The following SLIT2 variants were observed in gnomAD, a reference collection of about 807,000 sequenced individuals.
SLIT2 encodes slit guidance ligand 2.
Under a neutral mutation model 185.7 loss-of-function variants are expected in SLIT2, and 41 were observed. The ratio of observed to expected loss-of-function variants is 0.22; its 90% CI spans 0.17 to 0.29. SLIT2 has a LOEUF of 0.29. Ranked by LOEUF, SLIT2 falls within the 10% of genes least tolerant of loss-of-function variation. The pLI is 1.00. For missense variants in SLIT2, 1,571 were observed against 1,909.0 expected, an observed-to-expected ratio of 0.82 and a Z score of 3.30; for synonymous variants, 693 against 680.2, an observed-to-expected ratio of 1.02 and a Z score of -0.29.
chr4:20,431,888 G>T (rs1162826295), intron 4 of SLIT2, among the ~76,000 whole-genome samples: 1 of 152,086 alleles, frequency 6.6e-6, no homozygotes, highest in Non-Finnish European at 1.5e-5. Context: ...GGAGTGTTTG[G>T]AACTTGATTA....
At chr4:20,577,822 C>T (rs1234255959) in intron 29 of SLIT2, among the ~76,000 whole-genome samples, 4 of 152,092 alleles carry the variant, frequency 2.6e-5, no homozygotes, top group Non-Finnish European at 5.9e-5. Context: ...AGAATTGGAT[C>T]GAATTTATAA....
At chr4:20,595,943 A>G in intron 31 of SLIT2, 109 bp downstream of exon 31, 1 of 945,502 alleles carries the variant, frequency 1.1e-6, no homozygotes, top group South Asian at 1.8e-5. Context: ...AAAAGAGTAT[A>G]ACTGGATTGT....
At chr4:20,610,357 C>T (rs1729117557) in intron 34 of SLIT2, among the ~76,000 whole-genome samples, 190 bp downstream of exon 34, 1 of 152,078 alleles carries the variant, frequency 6.6e-6, no homozygotes, top group South Asian at 2.1e-4. Context: ...TTTTATTATC[C>T]CATCTCTCTT....
intron 5 of SLIT2, among the ~76,000 whole-genome samples, chr4:20,471,025 G>A (rs184347441): frequency 6.6e-6 from 1 of 152,196 alleles, no homozygotes; most frequent in Non-Finnish European, 1.5e-5. Flanking sequence ...GAAACTATGT[G>A]GATGATGAGT....
intron 4 of SLIT2, among the ~76,000 whole-genome samples, chr4:20,436,598 TA>T (rs1342292696): frequency 6.6e-6 from 1 of 152,224 alleles, no homozygotes; most frequent in African/African-American, 2.4e-5. Flanking sequence ...TCAAATCACG[TA>T]TTTAGATTGA....
At chr4:20,522,836 T>C (rs1720953444) in intron 12 of SLIT2, among the ~76,000 whole-genome samples, 3 of 152,136 alleles carry the variant, frequency 2.0e-5, no homozygotes, top group Admixed American at 1.3e-4. Context: ...TCCCAGTATG[T>C]GCTGGGCAGT....
chr4:20,441,502 C>T (rs958399031), intron 4 of SLIT2, among the ~76,000 whole-genome samples: 4 of 139,208 alleles, frequency 2.9e-5, no homozygotes, highest in Admixed American at 7.2e-5. Flanking sequence ...CTCTCTCTCT[C>T]GCCCCCCCCC....
At chr4:20,413,010 A>G (rs1021903992) in intron 4 of SLIT2, among the ~76,000 whole-genome samples, 4 of 152,140 alleles carry the variant, frequency 2.6e-5, no homozygotes, top group African/African-American at 9.6e-5. Flanking sequence ...CAAAAGCATC[A>G]GTTTACATTT....
Position 20,252,862 on chromosome 4 carries a change from T to G in SLIT2, c.-954T>G, listed in dbSNP as rs1024304269. 1.3e-5 allele frequency among the ~76,000 whole-genome samples: 2 copies of G among 152,168 alleles called. No homozygotes were observed. The highest frequency in any genetic ancestry group is 4.8e-5 in the African/African-American group (2 of 41,458). On this transcript the variant is annotated 5_prime_UTR_variant, in exon 1 of 37. Transcript: ENST00000504154. ...CACTCCTTCCGGTCTGCCTGGTTTT[T>G]AAGTCCGCCCCCAGTCAGTCCCCAC... is the stretch of plus-strand genomic sequence containing the variant.
Position 20,519,471 on chromosome 4 carries a change from T to C in SLIT2, c.1130+18T>C. On this transcript the variant is annotated intron_variant, in intron 12 of 36. Coordinates refer to ENST00000504154, the MANE Select transcript of SLIT2 (RefSeq NM_004787.4). The stretch of plus-strand genomic sequence containing the variant: ...CAGCTCCTGTAAGTATTTGATTGTT[T>C]TGGATCTCTCGAGCCTAATAATATA... 1 of 1,457,020 alleles carries C rather than the reference T, an allele frequency of 6.9e-7. No homozygotes were observed. The highest frequency in any genetic ancestry group is 1.7e-4 in the Middle Eastern group (1 of 5,752). 90.3% of individuals were successfully genotyped at this position (1,457,020 alleles called of 1,614,324 possible).
chr4:20,353,044 C>T (rs1417138458), intron 4 of SLIT2, among the ~76,000 whole-genome samples: 3 of 152,086 alleles, frequency 2.0e-5, no homozygotes, highest in Non-Finnish European at 4.4e-5. Context: ...AGCAGTATAA[C>T]GGAGAAGCAT....
intron 9 of SLIT2, among the ~76,000 whole-genome samples, chr4:20,508,415 A>T (rs983666148): frequency 1.3e-5 from 2 of 152,050 alleles, no homozygotes; most frequent in Non-Finnish European, 1.5e-5. Context: ...CATGTCCAAT[A>T]ATAAGAAAGA....
intron 4 of SLIT2, among the ~76,000 whole-genome samples, chr4:20,456,753 A>G (rs1445313553): frequency 6.6e-6 from 1 of 152,138 alleles, no homozygotes; most frequent in Non-Finnish European, 1.5e-5. Flanking sequence ...ACTCACATAT[A>G]TCCCTGGACA....
chr4:20,472,278 A>ATATATCTATATATATC (rs1456164605), intron 5 of SLIT2, among the ~76,000 whole-genome samples: 1 of 32,864 alleles, frequency 3.0e-5, no homozygotes, highest in Non-Finnish European at 4.6e-5. Context: ...ATATATATCT[A>ATATATCTATATATATC]TATATATAGA....
chr4:20,556,433 G>A (rs28580310), intron 26 of SLIT2, among the ~76,000 whole-genome samples: 3,662 of 151,880 alleles, frequency 0.024, 205 homozygotes, highest in African/African-American at 0.085. Context: ...ATTTCTTAAA[G>A]TTTATAATTC....
intron 3 of SLIT2, among the ~76,000 whole-genome samples, chr4:20,262,346 A>C (rs1180564326): frequency 6.6e-6 from 1 of 151,796 alleles, no homozygotes; most frequent in African/African-American, 2.4e-5. Flanking sequence ...AGGTCTTTAC[A>C]CATGAGTTCA....
At chr4:20,495,377 C>G (rs1274529670) in intron 9 of SLIT2, among the ~76,000 whole-genome samples, 1 of 152,062 alleles carries the variant, frequency 6.6e-6, no homozygotes, top group Non-Finnish European at 1.5e-5. Context: ...AGTCTGGACA[C>G]AGGAGCGAAT....
intron 5 of SLIT2, among the ~76,000 whole-genome samples, chr4:20,474,725 C>A (rs1216816509): frequency 6.6e-6 from 1 of 151,932 alleles, no homozygotes; most frequent in Admixed American, 6.6e-5. Context: ...CTTAAAATAG[C>A]CTGCTAATTG....
chr4:20,604,290 A>G (rs1198789544), intron 33 of SLIT2, among the ~76,000 whole-genome samples: 1 of 152,250 alleles, frequency 6.6e-6, no homozygotes, highest in African/African-American at 2.4e-5. Context: ...ACTGATTAAA[A>G]TATTACTTGA....
Sources: allele counts gnomAD v4.1 joint callset (sites outside exome capture counted in the v4.1 genomes callset), GRCh38; gene constraint gnomAD v4.1.1; transcripts MANE v1.5; gene names NCBI Gene and HGNC (gene_info 2026-07-23, HGNC 2026-07-21).